The following NGF variants were observed in gnomAD, a reference collection of about 807,000 sequenced individuals.
NGF encodes nerve growth factor.
In NGF, 4 loss-of-function variants were observed where a neutral mutation model predicts 12.8. That is an observed-to-expected ratio of 0.31 (90% CI 0.15 to 0.72). The LOEUF (loss-of-function observed/expected upper bound fraction) is 0.72, where lower values mean the gene tolerates loss of function less well. NGF is among the 30% of genes least tolerant of loss of function. The probability of loss-of-function intolerance (pLI) is 0.69; values close to 1 mark genes in which losing one functional copy is unlikely to be tolerated. For synonymous variants in NGF, 140 were observed against 130.0 expected (o/e 1.08, Z -0.52); for missense variants, 283 against 330.8 (o/e 0.86, Z 1.12).
intron 1 of NGF, among the ~76,000 whole-genome samples, chr1:115,322,384 A>G (rs1342471674): frequency 6.6e-6 from 1 of 152,180 alleles, no homozygotes; most frequent in African/African-American, 2.4e-5. Context: ...TTCTGTGCAT[A>G]GCATGACATT....
chr1:115,303,953 A>G (rs1454747867), intron 1 of NGF, among the ~76,000 whole-genome samples: 1 of 152,084 alleles, frequency 6.6e-6, no homozygotes, highest in Non-Finnish European at 1.5e-5. Context: ...GATTCCCCAT[A>G]TATTTCATTA....
At chr1:115,288,207 ATGTGAG>A (rs1195594201) in intron 2 of NGF, among the ~76,000 whole-genome samples, 2 of 152,176 alleles carry the variant, frequency 1.3e-5, no homozygotes, top group Non-Finnish European at 2.9e-5. Context: ...GTGTGTGTTC[ATGTGAG>A]TGTGAGTGTG....
chr1:115,299,043 G>T (rs565381149), intron 1 of NGF, among the ~76,000 whole-genome samples: 1 of 152,272 alleles, frequency 6.6e-6, no homozygotes, highest in African/African-American at 2.4e-5. Context: ...AATATAATAT[G>T]AGGTTTGCTG....
At chr1:115,295,231 AT>A (rs1357880845) in intron 1 of NGF, among the ~76,000 whole-genome samples, 2 of 152,132 alleles carry the variant, frequency 1.3e-5, no homozygotes, top group East Asian at 3.9e-4. Flanking sequence ...CTCTAAAGTG[AT>A]CTTCAAGTTA....
At position 115,337,267 on chromosome 1, in the gene NGF, GTTTTT is replaced by G. The variant is rs67307707; in HGVS notation, c.-137+932_-137+936del. 4.2e-3 allele frequency among the ~76,000 whole-genome samples: 341 copies of G among 81,022 alleles called. 26 individuals are homozygous for G. Among genetic ancestry groups the G allele is most frequent in the African/African-American group, 0.011 (203 of 18,888 alleles). The allele number at this position is 81,022 out of a possible 152,430, so 53.2% of individuals were successfully genotyped here. A position where few individuals can be genotyped will look rare whatever the true frequency, so the allele number is the denominator to read the frequency against. ...TCGAAATTTTTTTTGTTTTGTTTTT[GTTTTT>G]TTTTTTTTTTTTTTTTTTTTTTTTT... On this transcript the variant is annotated intron_variant, in intron 1 of 2. Transcript: ENST00000369512.
intron 1 of NGF, among the ~76,000 whole-genome samples, chr1:115,335,739 C>T (rs1486702021): frequency 1.3e-5 from 2 of 152,190 alleles, no homozygotes; most frequent in Non-Finnish European, 2.9e-5. Flanking sequence ...CTGGCACTGA[C>T]ATCTGCTTGG....
chr1:115,332,330 G>A (rs1654945790), intron 1 of NGF, among the ~76,000 whole-genome samples: 1 of 152,166 alleles, frequency 6.6e-6, no homozygotes, highest in Admixed American at 6.5e-5. Flanking sequence ...TAAATCGCAA[G>A]ATGAAATGTT....
At chr1:115,316,562 C>T (rs74114043) in intron 1 of NGF, among the ~76,000 whole-genome samples, 3,533 of 152,100 alleles carry the variant, frequency 0.023, 124 homozygotes, top group African/African-American at 0.081. Context: ...CTCATAATAG[C>T]CCTATGAATA....
At chr1:115,325,383 C>CCTGTGCATGTTGTTTTG (rs1404472190) in intron 1 of NGF, among the ~76,000 whole-genome samples, 1 of 152,034 alleles carries the variant, frequency 6.6e-6, no homozygotes, top group Non-Finnish European at 1.5e-5. Context: ...AGGTGCTTGT[C>CCTGTGCATGTTGTTTTG]CTGTGCATGT....
intron 2 of NGF, among the ~76,000 whole-genome samples, chr1:115,289,030 T>A (rs1653603765): frequency 6.6e-6 from 1 of 152,230 alleles, no homozygotes; most frequent in Admixed American, 6.5e-5. Flanking sequence ...TTTGGTTTCT[T>A]TGAAGAATGT....
At chr1:115,314,560 A>C (rs1654421314) in intron 1 of NGF, among the ~76,000 whole-genome samples, 1 of 152,222 alleles carries the variant, frequency 6.6e-6, no homozygotes. Flanking sequence ...CTTAATGAGC[A>C]CCTGTTCTGT....
chr1:115,332,736 G>A (rs915475114), intron 1 of NGF, among the ~76,000 whole-genome samples: 3 of 152,128 alleles, frequency 2.0e-5, no homozygotes, highest in Non-Finnish European at 4.4e-5. Flanking sequence ...GACAGGAGAG[G>A]CCCTCCTATG....
intron 1 of NGF, among the ~76,000 whole-genome samples, chr1:115,329,744 CTTTTTT>C (rs1039991768): frequency 9.6e-6 from 1 of 103,996 alleles, no homozygotes; most frequent in African/African-American, 3.8e-5. Context: ...TTCTTTCTTT[CTTTTTT>C]TTTTTTTTTT....
chr1:115,298,078 A>G (rs1322583250), intron 1 of NGF, among the ~76,000 whole-genome samples: 5 of 152,244 alleles, frequency 3.3e-5, no homozygotes, highest in African/African-American at 7.2e-5. Context: ...ATAAGCCACA[A>G]GAAGGTCTGA....
At chr1:115,323,705 A>G (rs1198747810) in intron 1 of NGF, among the ~76,000 whole-genome samples, 2 of 152,226 alleles carry the variant, frequency 1.3e-5, no homozygotes, top group Non-Finnish European at 2.9e-5. Flanking sequence ...AGGTTGGAGT[A>G]AGCTGCCTGC....
At chr1:115,319,909 G>A (rs1318374911) in intron 1 of NGF, among the ~76,000 whole-genome samples, 1 of 152,146 alleles carries the variant, frequency 6.6e-6, no homozygotes, top group Non-Finnish European at 1.5e-5. Context: ...GGCAGGCGTG[G>A]GTGGTTGATA....
chr1:115,310,508 T>C (rs943750132), intron 1 of NGF, among the ~76,000 whole-genome samples: 1 of 152,158 alleles, frequency 6.6e-6, no homozygotes, highest in South Asian at 2.1e-4. Context: ...ACCAGGTCTA[T>C]TGGATGGCTT....
intron 1 of NGF, among the ~76,000 whole-genome samples, chr1:115,321,587 T>TGC (rs1318141259): frequency 1.2e-5 from 1 of 86,428 alleles, no homozygotes; most frequent in Non-Finnish European, 2.1e-5. Flanking sequence ...TGTGTGTGTG[T>TGC]GTGTGTGTGT....
intron 1 of NGF, among the ~76,000 whole-genome samples, chr1:115,329,742 TTC>T (rs1654865233): frequency 6.9e-6 from 1 of 145,548 alleles, no homozygotes; most frequent in African/African-American, 2.6e-5. Context: ...TTTTCTTTCT[TTC>T]TTTTTTTTTT....
Sources: gnomAD v4.1 joint callset for allele counts (sites outside exome capture counted in the v4.1 genomes callset) on GRCh38, gnomAD v4.1.1 for gene constraint, MANE v1.5 for transcripts, NCBI Gene and HGNC (gene_info 2026-07-23, HGNC 2026-07-21) for gene names.